The following NMNAT3 variants were observed in gnomAD, a reference collection of about 807,000 sequenced individuals.
The protein encoded by NMNAT3 is nicotinamide/nicotinic acid mononucleotide adenylyltransferase 3.
A neutral mutation model predicts 24.8 loss-of-function variants in NMNAT3; 21 were observed. That is an observed-to-expected ratio of 0.85 (90% CI 0.60 to 1.22). NMNAT3 has a LOEUF of 1.22. Among genes scored for constraint, NMNAT3 ranks in the 50% most tolerant of loss-of-function variants. The probability of loss-of-function intolerance (pLI) is 0.00; values close to 1 mark genes in which losing one functional copy is unlikely to be tolerated. For missense variants in NMNAT3, 387 were observed against 436.6 expected (o/e 0.89, Z 1.01); for synonymous variants, 136 against 155.2 (o/e 0.88, Z 0.92).
chr3:139,603,858 C>T (rs1293325667), intron 3 of NMNAT3, among the ~76,000 whole-genome samples: 1 of 152,154 alleles, frequency 6.6e-6, no homozygotes, highest in Non-Finnish European at 1.5e-5. Flanking sequence ...TCGCCACTGT[C>T]CTTTCCACAT....
intron 1 of NMNAT3, among the ~76,000 whole-genome samples, chr3:139,666,305 C>T (rs1368427348): frequency 6.6e-6 from 1 of 152,286 alleles, no homozygotes; most frequent in East Asian, 1.9e-4. Flanking sequence ...CAGCTCCCAC[C>T]TGGTCCTCCA....
chr3:139,659,071 G>A (rs182322447), intron 1 of NMNAT3, among the ~76,000 whole-genome samples: 1 of 152,122 alleles, frequency 6.6e-6, no homozygotes, highest in Non-Finnish European at 1.5e-5. Context: ...TGTTTCTGAG[G>A]TTCACTCACA....
At chr3:139,611,532 G>A (rs2055214797) in intron 3 of NMNAT3, among the ~76,000 whole-genome samples, 1 of 152,228 alleles carries the variant, frequency 6.6e-6, no homozygotes, top group African/African-American at 2.4e-5. Flanking sequence ...ATCTCTTTCT[G>A]TGACACCATG....
chr3:139,579,082 CACAT>C, intron 4 of NMNAT3, 27 bp from the exon 5 acceptor site: 1 of 1,589,460 alleles, frequency 6.3e-7, no homozygotes, highest in Non-Finnish European at 8.6e-7. Flanking sequence ...AGTGGTGTTG[CACAT>C]ACAGACAGAT....
At position 139,596,944 on chromosome 3, in the gene NMNAT3, A is replaced by G. The variant is rs893311170; in HGVS notation, c.110-13736T>C. Among the ~76,000 whole-genome samples the G allele has an allele frequency of 4.1e-4, 46 of 111,960 alleles. 2 individuals are homozygous for G. Among genetic ancestry groups the G allele is most frequent in the East Asian group, 2.8e-3 (6 of 2,178 alleles). The allele number at this position is 111,960 out of a possible 152,430, so 73.5% of individuals were successfully genotyped here. A position where few individuals can be genotyped will look rare whatever the true frequency, so the allele number is the denominator to read the frequency against. On this transcript the variant is annotated intron_variant, in intron 3 of 6. Transcript: ENST00000643695. ...TATATATATATATATATATATATAT[A>G]TATATATATATATATATATATTTTT...
At chr3:139,579,238 A>G (rs770472263) in intron 4 of NMNAT3, among the ~76,000 whole-genome samples, 183 bp from the exon 5 acceptor site, 1 of 152,162 alleles carries the variant, frequency 6.6e-6, no homozygotes, top group Non-Finnish European at 1.5e-5. Flanking sequence ...ACCTTAGTGA[A>G]CATGTGCTTC....
chr3:139,591,661 C>A (rs1182764813), intron 3 of NMNAT3, among the ~76,000 whole-genome samples: 1 of 152,222 alleles, frequency 6.6e-6, no homozygotes. Flanking sequence ...GTCCCTGACC[C>A]CTGACCCCCG....
intron 3 of NMNAT3, among the ~76,000 whole-genome samples, chr3:139,620,126 C>A (rs2055695451): frequency 6.7e-6 from 1 of 149,412 alleles, no homozygotes; most frequent in African/African-American, 2.5e-5. Context: ...ATTTCTCTTA[C>A]TATTTATTTG....
At chr3:139,615,455 C>CTATCTATCTATCTATCTATCTATT (rs2055447160) in intron 3 of NMNAT3, among the ~76,000 whole-genome samples, 1 of 150,358 alleles carries the variant, frequency 6.7e-6, no homozygotes, top group South Asian at 2.2e-4. Flanking sequence ...ATCTATCTAT[C>CTATCTATCTATCTATCTATCTATT]TATCTATCCA....
At chr3:139,609,714 A>G (rs1025164520) in intron 3 of NMNAT3, 5 of 151,766 alleles carry the variant, frequency 3.3e-5, no homozygotes, top group Non-Finnish European at 7.4e-5. Flanking sequence ...TGCAGTGGCT[A>G]TTCACAAGTG....
chr3:139,649,134 A>T (rs918112303), intron 1 of NMNAT3, among the ~76,000 whole-genome samples: 3 of 152,182 alleles, frequency 2.0e-5, no homozygotes, highest in Admixed American at 6.5e-5. Context: ...TTTAGGAATC[A>T]AAAAAGATGA....
At chr3:139,664,706 G>C (rs144213211) in intron 1 of NMNAT3, among the ~76,000 whole-genome samples, 1 of 152,190 alleles carries the variant, frequency 6.6e-6, no homozygotes, top group Non-Finnish European at 1.5e-5. Flanking sequence ...TAGCTTCAGT[G>C]AAGTTTCTCT....
intron 3 of NMNAT3, among the ~76,000 whole-genome samples, chr3:139,595,748 G>A (rs1018424378): frequency 1.3e-5 from 2 of 152,022 alleles, no homozygotes; most frequent in Non-Finnish European, 1.5e-5. Flanking sequence ...TGGGAAAACT[G>A]GCTAGCCATA....
Position 139,583,738 on chromosome 3 carries a change from T to G in NMNAT3, c.110-530A>C, listed in dbSNP as rs11710463. The G allele has an allele frequency of 4.5e-3, 2,835 of 635,644 alleles. 23 individuals carry two copies. The highest frequency in any genetic ancestry group is 6.4e-3 in the Non-Finnish European group (2,257 of 352,444). 39.4% of individuals were successfully genotyped at this position (635,644 alleles called of 1,614,324 possible). A position where few individuals can be genotyped will look rare whatever the true frequency, so the allele number is the denominator to read the frequency against. ...AGAAATATAGGTGGATTGAGAGACATTCTTCATTCAAACAAAAGTTTAACA... is the reference window on the plus strand; with the variant it reads ...AGAAATATAGGTGGATTGAGAGACAGTCTTCATTCAAACAAAAGTTTAACA... On this transcript the variant is annotated intron_variant, in intron 3 of 6. Transcript: ENST00000643695.
At chr3:139,614,063 C>A (rs533295262) in intron 3 of NMNAT3, among the ~76,000 whole-genome samples, 1 of 151,852 alleles carries the variant, frequency 6.6e-6, no homozygotes, top group Non-Finnish European at 1.5e-5. Context: ...GTGCAGCATA[C>A]CAACATGGCA....
intron 3 of NMNAT3, among the ~76,000 whole-genome samples, chr3:139,613,703 C>T (rs1172290487): frequency 4.6e-5 from 7 of 152,004 alleles, no homozygotes; most frequent in African/African-American, 1.7e-4. Context: ...TATTGCGGCA[C>T]TATTCACAAT....
chr3:139,597,809 G>A (rs1336978258), intron 3 of NMNAT3, among the ~76,000 whole-genome samples: 1 of 152,122 alleles, frequency 6.6e-6, no homozygotes, highest in Non-Finnish European at 1.5e-5. Flanking sequence ...TGCTTGGTGG[G>A]GCTTGCAATC....
intron 3 of NMNAT3, among the ~76,000 whole-genome samples, chr3:139,615,184 CCTTA>C (rs2055426533): frequency 6.6e-6 from 1 of 152,148 alleles, no homozygotes; most frequent in Admixed American, 6.5e-5. Flanking sequence ...TTGAACACTT[CCTTA>C]CTTTTTGGTA....
At chr3:139,664,929 TAA>T (rs951691742) in intron 1 of NMNAT3, among the ~76,000 whole-genome samples, 2 of 152,152 alleles carry the variant, frequency 1.3e-5, no homozygotes, top group African/African-American at 4.8e-5. Context: ...GCAAAAACAA[TAA>T]GAGTCTGAGA....
Sources: allele counts gnomAD v4.1 joint callset (sites outside exome capture counted in the v4.1 genomes callset), GRCh38; gene constraint gnomAD v4.1.1; transcripts MANE v1.5; gene names NCBI Gene and HGNC (gene_info 2026-07-23, HGNC 2026-07-21).